Variants in NTM observed in about 807,000 individuals in gnomAD.
NTM encodes the protein IgLON family member 2.
In NTM, 13 loss-of-function variants were observed where a neutral mutation model predicts 42.1. The observed-to-expected ratio is 0.31, with a 90% CI of 0.20 to 0.49. The LOEUF is 0.49. NTM is among the 20% of genes least tolerant of loss of function. The pLI, the probability that NTM is intolerant of heterozygous loss-of-function variation, is 0.99. For synonymous variants in NTM, 187 were observed against 179.2 expected (o/e 1.04, Z -0.35); for missense variants, 373 against 452.8 (o/e 0.82, Z 1.60).
intron 1 of NTM, among the ~76,000 whole-genome samples, chr11:131,787,930 A>G (rs2136072578): frequency 6.6e-6 from 1 of 152,314 alleles, no homozygotes; most frequent in African/African-American, 2.4e-5. Flanking sequence ...AGTTTCACAT[A>G]GTATTCCTAT....
At chr11:131,752,091 GT>G (rs2082630739) in intron 1 of NTM, among the ~76,000 whole-genome samples, 1 of 152,152 alleles carries the variant, frequency 6.6e-6, no homozygotes, top group Non-Finnish European at 1.5e-5. Flanking sequence ...ATGGCTAGAA[GT>G]TGAAAGATTG....
At chr11:132,049,453 C>T (rs376932788) in intron 2 of NTM, among the ~76,000 whole-genome samples, 2 of 152,140 alleles carry the variant, frequency 1.3e-5, no homozygotes, top group African/African-American at 2.4e-5. Context: ...GGCAGGGGTG[C>T]GGTTGTGAGG....
intron 1 of NTM, among the ~76,000 whole-genome samples, chr11:131,879,836 CT>C (rs2049190715): frequency 6.6e-6 from 1 of 152,060 alleles, no homozygotes; most frequent in Non-Finnish European, 1.5e-5. Flanking sequence ...CATATATAGT[CT>C]TCTTTATGTT....
chr11:131,476,873 C>T (rs184230922), intron 1 of NTM, among the ~76,000 whole-genome samples: 9 of 150,742 alleles, frequency 6.0e-5, no homozygotes, highest in African/African-American at 1.7e-4. Flanking sequence ...CTTATGATGA[C>T]GTCCAGCCTT....
chr11:131,792,806 A>G (rs570439421), intron 1 of NTM, among the ~76,000 whole-genome samples: 5 of 152,370 alleles, frequency 3.3e-5, no homozygotes, highest in African/African-American at 1.2e-4. Flanking sequence ...CATATGTAAG[A>G]AGAAAGACTG....
At chr11:131,515,252 G>GAA (rs140992328) in intron 1 of NTM, among the ~76,000 whole-genome samples, 2,115 of 152,240 alleles carry the variant, frequency 0.014, 46 homozygotes, top group African/African-American at 0.048. Flanking sequence ...CCAAGAATCA[G>GAA]AACCACTTGG....
rs546601997 is a variant in NTM at position 132,057,196 on chromosome 11, G to GA, written c.168-89080dup. On this transcript the variant is annotated intron_variant, in intron 2 of 8. Transcript: ENST00000683400. Reference sequence around the variant, plus strand: ...TTGTGTGCTCAGCTGTAAAGGAAAAGAAAAAAGAAAAGAAAGAGAACAGAC... The same window carrying GA: ...TTGTGTGCTCAGCTGTAAAGGAAAAGAAAAAAAGAAAAGAAAGAGAACAGAC... Among the ~76,000 whole-genome samples, 152 of 151,590 alleles carry GA rather than the reference G, an allele frequency of 1.0e-3. 1 individual carries two copies. The highest frequency in any genetic ancestry group is 3.6e-3 in the African/African-American group (147 of 41,374).
chr11:132,280,020 T>C (rs567976882), intron 4 of NTM, among the ~76,000 whole-genome samples: 18 of 152,336 alleles, frequency 1.2e-4, no homozygotes, highest in South Asian at 4.1e-4. Context: ...CAGGACTTCA[T>C]TGATAGTCTG....
At chr11:131,399,493 T>C (rs796094543) in intron 1 of NTM, among the ~76,000 whole-genome samples, 3 of 152,296 alleles carry the variant, frequency 2.0e-5, no homozygotes, top group African/African-American at 4.8e-5. Context: ...TTTTACAAGA[T>C]TGCTGTATTT....
At chr11:132,307,851 G>C in intron 5 of NTM, 28 bp downstream of exon 5, 1 of 1,609,468 alleles carries the variant, frequency 6.2e-7, no homozygotes, top group South Asian at 1.1e-5. Flanking sequence ...CACGCGCCCT[G>C]CACGTGCATC....
At chr11:131,904,320 G>T (rs1565703497) in intron 1 of NTM, among the ~76,000 whole-genome samples, 2 of 152,046 alleles carry the variant, frequency 1.3e-5, no homozygotes, top group Non-Finnish European at 1.5e-5. Flanking sequence ...TAAAACCTGG[G>T]GTTTTAAACT....
At chr11:131,670,535 T>C (rs931225330) in intron 1 of NTM, among the ~76,000 whole-genome samples, 4 of 152,196 alleles carry the variant, frequency 2.6e-5, no homozygotes, top group African/African-American at 9.6e-5. Flanking sequence ...AGGGCTCCGC[T>C]GGAGCTGGGC....
intron 3 of NTM, among the ~76,000 whole-genome samples, chr11:132,211,187 T>C (rs2082771206): frequency 6.6e-6 from 1 of 152,220 alleles, no homozygotes; most frequent in South Asian, 2.1e-4. Context: ...GTGAATTGCT[T>C]GAGCTCAGGA....
At chr11:132,218,298 GCAAAA>G (rs1415402050) in intron 4 of NTM, among the ~76,000 whole-genome samples, 2 of 152,060 alleles carry the variant, frequency 1.3e-5, no homozygotes, top group African/African-American at 4.8e-5. Flanking sequence ...AAGAGAGAAA[GCAAAA>G]GTTTTTCTAA....
Position 131,556,963 on chromosome 11 carries a change from A to C in NTM, c.82+186075A>C, listed in dbSNP as rs544864445. 3.3e-5 allele frequency among the ~76,000 whole-genome samples: 5 copies of C among 152,152 alleles called. No homozygotes were observed. In the South Asian group the frequency reaches 1.0e-3, roughly 32 times the overall value. On this transcript the variant is annotated intron_variant, in intron 1 of 8. Coordinates refer to ENST00000683400, the MANE Select transcript of NTM (RefSeq NM_001352005.2). ...GCATACTATCTGGGACAGAAACCTA[A>C]TGATAGGTGTACACACTGTCTTGGT...
intron 2 of NTM, among the ~76,000 whole-genome samples, chr11:131,985,362 ATC>A (rs1455541654): frequency 6.6e-6 from 1 of 152,134 alleles, no homozygotes; most frequent in Non-Finnish European, 1.5e-5. Context: ...TTTTGATTTA[ATC>A]ATGCCAGAAT....
intron 1 of NTM, among the ~76,000 whole-genome samples, chr11:131,699,251 C>T (rs1054776290): frequency 6.6e-5 from 10 of 152,148 alleles, no homozygotes; most frequent in Admixed American, 2.0e-4. Context: ...AAATTAGAAA[C>T]GTACTTTCCA....
chr11:131,932,299 A>G (rs1308175553), intron 2 of NTM, among the ~76,000 whole-genome samples: 1 of 152,232 alleles, frequency 6.6e-6, no homozygotes, highest in Non-Finnish European at 1.5e-5. Context: ...GATGAAGCCT[A>G]TGATTCCAAG....
In NTM at chr11:132,311,100, A is replaced by G. The variant is rs538170966; in HGVS notation, c.782+868A>G. Among the ~76,000 whole-genome samples the G allele has an allele frequency of 6.9e-4, 105 of 152,270 alleles. No homozygotes were observed. The South Asian group carries it at 0.021, about 30-fold the overall frequency. On this transcript the variant is annotated intron_variant, in intron 6 of 8. Transcript: ENST00000683400. Reference sequence around the variant, plus strand: ...GGAGGCTGAGAAGGAAAAACAATGAAGAGGGCATTCTGAGAAGGAGAGCAG... The same window carrying G: ...GGAGGCTGAGAAGGAAAAACAATGAGGAGGGCATTCTGAGAAGGAGAGCAG...
Sources: gnomAD v4.1 joint callset for allele counts (sites outside exome capture counted in the v4.1 genomes callset) on GRCh38, gnomAD v4.1.1 for gene constraint, MANE v1.5 for transcripts, NCBI Gene and HGNC (gene_info 2026-07-23, HGNC 2026-07-21) for gene names.